Variants in WDR88 observed in about 807,000 individuals in gnomAD.
WDR88 encodes the protein WD repeat-containing protein 88.
Under a neutral mutation model 46.8 loss-of-function variants are expected in WDR88, and 40 were observed. That is an observed-to-expected ratio of 0.86 (90% CI 0.66 to 1.11). WDR88 has a LOEUF of 1.11. Ranked by LOEUF, WDR88 falls within the 50% of genes most tolerant of loss-of-function variation. The probability of loss-of-function intolerance (pLI) is 0.00; values close to 1 mark genes in which losing one functional copy is unlikely to be tolerated. For synonymous variants in WDR88, 235 were observed against 240.7 expected (o/e 0.98, Z 0.22); for missense variants, 562 against 602.4 (o/e 0.93, Z 0.70).
chr19:33,149,150 T>C (rs1973580407), intron 5 of WDR88, among the ~76,000 whole-genome samples: 1 of 152,012 alleles, frequency 6.6e-6, no homozygotes, highest in Non-Finnish European at 1.5e-5. Context: ...TGAAACCCTG[T>C]CACTACCAAA....
chr19:33,169,838 T>C (rs1354913576), intron 9 of WDR88, among the ~76,000 whole-genome samples: 8 of 152,192 alleles, frequency 5.3e-5, no homozygotes, highest in African/African-American at 1.9e-4. Flanking sequence ...ATTCACGGTA[T>C]AGGCTATATC....
In WDR88 at chr19:33,149,344, A is replaced by ACAAAAAAC. The variant is rs200574273; in HGVS notation, c.679+434_679+435insCAAAAAAC. ...CTCAAAAAAACAAACAAACAAACAA[A>ACAAAAAAC]AAACAAACAAACAAACAAAAAAACA... is the stretch of plus-strand genomic sequence containing the variant. On this transcript the variant is annotated intron_variant, in intron 5 of 10. Coordinates refer to ENST00000355868, the MANE Select transcript of WDR88 (RefSeq NM_173479.4). Among the ~76,000 whole-genome samples, 967 of 151,084 alleles carry ACAAAAAAC rather than the reference A, an allele frequency of 6.4e-3. 8 individuals are homozygous for ACAAAAAAC. Among genetic ancestry groups the ACAAAAAAC allele is most frequent in the African/African-American group, 0.022 (915 of 40,794 alleles).
intron 2 of WDR88, among the ~76,000 whole-genome samples, chr19:33,142,322 A>G (rs200152173): frequency 4.0e-4 from 61 of 152,058 alleles, no homozygotes; most frequent in Admixed American, 8.5e-4. Flanking sequence ...TTTATGGGAC[A>G]AGGGGCGAAG....
intron 2 of WDR88, among the ~76,000 whole-genome samples, chr19:33,138,528 G>A (rs564359642): frequency 6.6e-6 from 1 of 151,906 alleles, no homozygotes; most frequent in East Asian, 1.9e-4. Context: ...TATTTTTTTA[G>A]TAGAGACAGA....
chr19:33,171,790 T>G (rs1974042753), intron 9 of WDR88, among the ~76,000 whole-genome samples: 1 of 151,106 alleles, frequency 6.6e-6, no homozygotes, highest in Non-Finnish European at 1.5e-5. Context: ...TTTGTTTGTT[T>G]TGAGACAGAG....
At chr19:33,157,603 GTATA>G (rs1303269994) in intron 7 of WDR88, among the ~76,000 whole-genome samples, 2 of 136,108 alleles carry the variant, frequency 1.5e-5, no homozygotes, top group African/African-American at 5.5e-5. Flanking sequence ...GTGTATATAT[GTATA>G]TATATGTGTA....
chr19:33,160,781 A>T (rs1973852169), intron 8 of WDR88, among the ~76,000 whole-genome samples: 1 of 152,168 alleles, frequency 6.6e-6, no homozygotes, highest in African/African-American at 2.4e-5. Flanking sequence ...AACAGAAAGG[A>T]CTACATAAGT....
At chr19:33,140,507 C>T (rs1025661815) in intron 2 of WDR88, among the ~76,000 whole-genome samples, 1 of 152,068 alleles carries the variant, frequency 6.6e-6, no homozygotes, top group Admixed American at 6.6e-5. Flanking sequence ...AAAGACACGT[C>T]GGCTGGGCGC....
At chr19:33,164,706 C>CG (rs928854237) in intron 9 of WDR88, among the ~76,000 whole-genome samples, 1 of 151,984 alleles carries the variant, frequency 6.6e-6, no homozygotes, top group Non-Finnish European at 1.5e-5. Flanking sequence ...GTGTGAACCC[C>CG]GGAGAAGTGG....
intron 6 of WDR88, among the ~76,000 whole-genome samples, chr19:33,155,254 C>T (rs1973712055): frequency 6.6e-6 from 1 of 152,128 alleles, no homozygotes; most frequent in Admixed American, 6.6e-5. Context: ...GATTCTCCTG[C>T]CTCAGCCTCC....
intron 9 of WDR88, among the ~76,000 whole-genome samples, chr19:33,171,312 C>G (rs1172344558): frequency 6.6e-6 from 1 of 152,178 alleles, no homozygotes. Context: ...ATTAAAGTAT[C>G]TAAGAGCTGG....
intron 10 of WDR88, chr19:33,174,879 C>T (rs1974097973): frequency 1.0e-6 from 1 of 985,194 alleles, no homozygotes; most frequent in South Asian, 4.7e-5. Flanking sequence ...CCTGCTTAGC[C>T]ATTGGTGGGG....
At chr19:33,144,001 G>C (rs3848595) in intron 2 of WDR88, among the ~76,000 whole-genome samples, 35,242 of 152,032 alleles carry the variant, frequency 0.23, 4,842 homozygotes, top group African/African-American at 0.39. Context: ...CAGGGATGGG[G>C]TCGTGCTTCT....
intron 2 of WDR88, among the ~76,000 whole-genome samples, chr19:33,140,478 A>G (rs545216255): frequency 3.3e-4 from 50 of 152,284 alleles, no homozygotes; most frequent in Middle Eastern, 3.4e-3. Flanking sequence ...ATGTATGCGG[A>G]CATGTGTGGA....
Position 33,146,879 on chromosome 19 carries a change from T to G in WDR88, c.477-766T>G, listed in dbSNP as rs556375133. Among the ~76,000 whole-genome samples, 4 of 152,166 alleles carry G rather than the reference T, an allele frequency of 2.6e-5. No homozygotes were observed. The South Asian group carries it at 8.3e-4, about 32-fold the overall frequency. ...TAGGGTGGGTGATGGAGCAGTCTTT[T>G]AAAGATGATTGTGTTAATTATAATC... is the stretch of plus-strand genomic sequence containing the variant. On this transcript the variant is annotated intron_variant, in intron 3 of 10. Coordinates refer to ENST00000355868, the MANE Select transcript of WDR88 (RefSeq NM_173479.4).
intron 2 of WDR88, among the ~76,000 whole-genome samples, chr19:33,143,298 G>A (rs796614776): frequency 5.9e-5 from 8 of 136,392 alleles, no homozygotes; most frequent in African/African-American, 2.3e-4. Flanking sequence ...TTGCACCACT[G>A]CACTCAAGCC....
At chr19:33,146,432 T>TTTCC (rs146586878) in intron 3 of WDR88, among the ~76,000 whole-genome samples, 6 of 146,538 alleles carry the variant, frequency 4.1e-5, no homozygotes, top group African/African-American at 1.0e-4. Flanking sequence ...TTAGGTCCTA[T>TTTCC]TTCCTTCCTT....
rs1022651613 is a variant in WDR88 at position 33,155,443 on chromosome 19, A to G, written c.810-912A>G. Among the ~76,000 whole-genome samples the G allele has an allele frequency of 4.6e-5, 7 of 152,130 alleles. No homozygotes were observed. In the East Asian group the frequency reaches 9.6e-4, roughly 21 times the overall value. ...GGCATGAGCCACTGCACCCAGCCAA[A>G]TAACCCACAATTTTATTAATTAAAT... On this transcript the variant is annotated intron_variant, in intron 6 of 10. Coordinates refer to ENST00000355868, the MANE Select transcript of WDR88 (RefSeq NM_173479.4).
chr19:33,133,224 GAA>G (rs1281269260), intron 1 of WDR88, among the ~76,000 whole-genome samples: 20 of 144,212 alleles, frequency 1.4e-4, no homozygotes, highest in African/African-American at 3.4e-4. Context: ...AAGAAAGAAA[GAA>G]AAAGAAAAAG....
Sources: allele counts gnomAD v4.1 joint callset (sites outside exome capture counted in the v4.1 genomes callset), GRCh38; gene constraint gnomAD v4.1.1; transcripts MANE v1.5; gene names NCBI Gene and HGNC (gene_info 2026-07-23, HGNC 2026-07-21).